LHFPL6: variants seen among roughly 807,000 people sequenced by gnomAD.
LHFPL6 encodes LHFPL tetraspan subfamily member 6.
LHFPL6 carries 9 observed loss-of-function variants against 20.6 expected under a neutral mutation model. That is an observed-to-expected ratio of 0.44 (90% confidence interval 0.26 to 0.76). The LOEUF is 0.76. LHFPL6 is among the 30% of genes least tolerant of loss of function. The pLI is 0.20. For synonymous variants in LHFPL6, 105 were observed against 98.7 expected (o/e 1.06, Z -0.38); for missense variants, 218 against 253.5 (o/e 0.86, Z 0.95).
chr13:39,567,874 G>C (rs1232476565), intron 2 of LHFPL6, among the ~76,000 whole-genome samples: 1 of 152,304 alleles, frequency 6.6e-6, no homozygotes. Context: ...CCACCCCAAA[G>C]ACAGAGTTGA....
chr13:39,559,861 C>A (rs1871417666), intron 2 of LHFPL6, among the ~76,000 whole-genome samples: 1 of 152,076 alleles, frequency 6.6e-6, no homozygotes, highest in South Asian at 2.1e-4. Flanking sequence ...TACGGCAGTC[C>A]CCCATTTTCC....
intron 2 of LHFPL6, among the ~76,000 whole-genome samples, chr13:39,549,010 T>A (rs2138510330): frequency 6.6e-6 from 1 of 152,264 alleles, no homozygotes; most frequent in African/African-American, 2.4e-5. Context: ...GCAAAAGGCA[T>A]GTCTTATCAA....
At chr13:39,476,799 C>T (rs530455889) in intron 2 of LHFPL6, among the ~76,000 whole-genome samples, 1 of 152,174 alleles carries the variant, frequency 6.6e-6, no homozygotes, top group Admixed American at 6.5e-5. Flanking sequence ...AGCCTCCTCC[C>T]TTCAAGATGA....
At chr13:39,545,716 A>C (rs1196580871) in intron 2 of LHFPL6, among the ~76,000 whole-genome samples, 2 of 152,098 alleles carry the variant, frequency 1.3e-5, no homozygotes, top group Non-Finnish European at 2.9e-5. Context: ...TACATTACTT[A>C]TAATATGTAA....
chr13:39,413,623 A>T (rs1164512544), intron 2 of LHFPL6, among the ~76,000 whole-genome samples: 1 of 149,704 alleles, frequency 6.7e-6, no homozygotes, highest in Non-Finnish European at 1.5e-5. Context: ...TTTTAAATGA[A>T]TTTTTCTGTT....
chr13:39,417,458 T>C (rs1237554600), intron 2 of LHFPL6, among the ~76,000 whole-genome samples: 2 of 152,122 alleles, frequency 1.3e-5, no homozygotes, highest in East Asian at 3.9e-4. Context: ...AAAATACATC[T>C]TTCTATTTCC....
In LHFPL6 at chr13:39,360,816, G is replaced by A. The variant is rs1332854736; in HGVS notation, c.485-16762C>T. Reference sequence around the variant, plus strand: ...CATTCTTTTATATTCAATGGTATAAGTTTCCCTTCTGGATTCCCACAAAAA... The same window carrying A: ...CATTCTTTTATATTCAATGGTATAAATTTCCCTTCTGGATTCCCACAAAAA... On this transcript the variant is annotated intron_variant, in intron 3 of 3. Coordinates refer to ENST00000379589, the MANE Select transcript of LHFPL6 (RefSeq NM_005780.3). 1.3e-4 allele frequency among the ~76,000 whole-genome samples: 12 copies of A among 94,442 alleles called. 3 individuals carry two copies. The highest frequency in any genetic ancestry group is 2.2e-4 in the Non-Finnish European group (9 of 40,348). The allele number at this position is 94,442 out of a possible 152,430, so 62.0% of individuals were successfully genotyped here.
At chr13:39,380,004 C>T (rs74717322) in intron 2 of LHFPL6, among the ~76,000 whole-genome samples, 1,958 of 152,290 alleles carry the variant, frequency 0.013, 48 homozygotes, top group African/African-American at 0.045. Context: ...CTTTTGCTGA[C>T]GAGGCAAATG....
chr13:39,599,866 G>A (rs1490550020), intron 2 of LHFPL6, among the ~76,000 whole-genome samples: 1 of 152,196 alleles, frequency 6.6e-6, no homozygotes, highest in Admixed American at 6.5e-5. Flanking sequence ...AACACCAAAT[G>A]AGGGAGTAAC....
chr13:39,376,432 T>G (rs2138357873), intron 3 of LHFPL6, among the ~76,000 whole-genome samples: 1 of 152,262 alleles, frequency 6.6e-6, no homozygotes, highest in Non-Finnish European at 1.5e-5. Context: ...GAGGGAAGAA[T>G]AGGTAAAAGG....
At position 39,467,064 on chromosome 13, in the gene LHFPL6, GAGCTAC is replaced by G. The variant is rs561760675; in HGVS notation, c.386-88544_386-88539del. Reference sequence around the variant, plus strand: ...ACAAGTTCTGATAAAATTAGACAAGGAGCTACAGCAAATATGATTCCAATTCACAGA... The same window carrying G: ...ACAAGTTCTGATAAAATTAGACAAGGAGCAAATATGATTCCAATTCACAGA... On this transcript the variant is annotated intron_variant, in intron 2 of 3. Coordinates refer to ENST00000379589, the MANE Select transcript of LHFPL6 (RefSeq NM_005780.3). 7.5e-3 allele frequency among the ~76,000 whole-genome samples: 1,139 copies of G among 152,278 alleles called. 12 individuals carry two copies. Among genetic ancestry groups the G allele is most frequent in the Middle Eastern group, 0.014 (4 of 294 alleles).
rs553121766 is a variant in LHFPL6, at chr13:39,536,694, G to C, written c.385+64138C>G. Among the ~76,000 whole-genome samples the C allele has an allele frequency of 1.2e-3, 179 of 152,172 alleles. 1 individual carries two copies. The highest frequency in any genetic ancestry group is 4.1e-3 in the African/African-American group (170 of 41,512). ...ATCCTTCCCCCTTTATCTTTCATCAGTATTTCCCTCTCCTCACCCAAATGT... is the reference window on the plus strand; with the variant it reads ...ATCCTTCCCCCTTTATCTTTCATCACTATTTCCCTCTCCTCACCCAAATGT... On this transcript the variant is annotated intron_variant, in intron 2 of 3. Transcript: ENST00000379589.
At chr13:39,421,821 A>G (rs1871496910) in intron 2 of LHFPL6, among the ~76,000 whole-genome samples, 1 of 152,204 alleles carries the variant, frequency 6.6e-6, no homozygotes. Context: ...GGCTATATGA[A>G]AAAATCTTTT....
At chr13:39,520,470 G>C (rs1176833688) in intron 2 of LHFPL6, among the ~76,000 whole-genome samples, 1 of 152,130 alleles carries the variant, frequency 6.6e-6, no homozygotes, top group East Asian at 1.9e-4. Context: ...CATTCTAGTA[G>C]CAATTCATCA....
chr13:39,441,172 A>C, intron 2 of LHFPL6, among the ~76,000 whole-genome samples: 1 of 126,048 alleles, frequency 7.9e-6, no homozygotes, highest in Admixed American at 8.4e-5. Context: ...TTTTTGGAGA[A>C]AGGCTCTCTC....
intron 3 of LHFPL6, among the ~76,000 whole-genome samples, chr13:39,357,211 A>G (rs1041519630): frequency 6.6e-6 from 1 of 152,130 alleles, no homozygotes; most frequent in African/African-American, 2.4e-5. Flanking sequence ...CAAAAAAAGT[A>G]AAAAGCTACC....
chr13:39,361,968 A>G (rs1167921250), intron 3 of LHFPL6, among the ~76,000 whole-genome samples: 1 of 152,222 alleles, frequency 6.6e-6, no homozygotes, highest in Non-Finnish European at 1.5e-5. Context: ...GATGAAATCA[A>G]ACATTAAGGG....
intron 2 of LHFPL6, among the ~76,000 whole-genome samples, chr13:39,491,815 A>T (rs541719684): frequency 1.2e-4 from 18 of 152,338 alleles, no homozygotes; most frequent in Non-Finnish European, 2.6e-4. Context: ...ACTTTGATTA[A>T]TTTTAATTTA....
At chr13:39,593,914 T>C (rs9576870) in intron 2 of LHFPL6, among the ~76,000 whole-genome samples, 111,268 of 152,110 alleles carry the variant, frequency 0.73, 42,105 homozygotes, top group East Asian at 0.86. Context: ...GCTAGCCATA[T>C]GTAAAAAGCT....
Sources: allele counts gnomAD v4.1 joint callset (sites outside exome capture counted in the v4.1 genomes callset), GRCh38; gene constraint gnomAD v4.1.1; transcripts MANE v1.5; gene names NCBI Gene and HGNC (gene_info 2026-07-23, HGNC 2026-07-21).